The following FOCAD variants were observed in gnomAD, a reference collection of about 807,000 sequenced individuals.
FOCAD encodes focadhesin, also known as KIAA1797.
In FOCAD, 198 loss-of-function variants were observed where a neutral mutation model predicts 225.6. The observed-to-expected ratio is 0.88, with a 90% confidence interval of 0.78 to 0.99. FOCAD has a LOEUF of 0.99. Among genes scored for constraint, FOCAD ranks in the 50% least tolerant of loss-of-function variants. The pLI is 0.00. For synonymous variants in FOCAD, 897 were observed against 755.0 expected, an observed-to-expected ratio of 1.19 and a Z score of -3.08; for missense variants, 2,713 against 2,123.6, an observed-to-expected ratio of 1.28 and a Z score of -5.46.
intron 5 of FOCAD, among the ~76,000 whole-genome samples, chr9:20,747,824 T>G (rs971146341): frequency 1.5e-3 from 46 of 30,606 alleles, no homozygotes; most frequent in Non-Finnish European, 1.8e-3. Context: ...TTTTTAGTGT[T>G]TTTTTTTTTT....
intron 40 of FOCAD, among the ~76,000 whole-genome samples, chr9:20,987,248 G>A (rs968988031): frequency 6.6e-6 from 1 of 152,026 alleles, no homozygotes; most frequent in Admixed American, 6.6e-5. Context: ...AGACTGTATC[G>A]CCTTAATACC....
chr9:20,763,661 G>T (rs1029064460), intron 6 of FOCAD, among the ~76,000 whole-genome samples: 1 of 152,190 alleles, frequency 6.6e-6, no homozygotes, highest in African/African-American at 2.4e-5. Flanking sequence ...GGAATAGCAA[G>T]TGAGAAGAAA....
intron 1 of FOCAD, among the ~76,000 whole-genome samples, chr9:20,692,318 A>C (rs1317362404): frequency 1.3e-5 from 2 of 151,902 alleles, no homozygotes; most frequent in African/African-American, 4.8e-5. Context: ...CTCACAATCT[A>C]TATATATATA....
At chr9:20,847,412 A>G (rs1377390443) in intron 15 of FOCAD, among the ~76,000 whole-genome samples, 1 of 151,742 alleles carries the variant, frequency 6.6e-6, no homozygotes, top group Non-Finnish European at 1.5e-5. Context: ...CTAAATTCTT[A>G]TAATGCTGCT....
At chr9:20,831,847 T>G (rs1315158970) in intron 15 of FOCAD, among the ~76,000 whole-genome samples, 1 of 152,088 alleles carries the variant, frequency 6.6e-6, no homozygotes, top group Non-Finnish European at 1.5e-5. Flanking sequence ...CCTTAAGCAT[T>G]GAACCCCAAT....
At chr9:20,705,152 C>G (rs1012491551) in intron 1 of FOCAD, among the ~76,000 whole-genome samples, 3 of 152,122 alleles carry the variant, frequency 2.0e-5, no homozygotes, top group African/African-American at 7.2e-5. Context: ...AGAATATTGC[C>G]TTTCCCCTAG....
intron 1 of FOCAD, among the ~76,000 whole-genome samples, chr9:20,714,747 A>T (rs1825191502): frequency 6.6e-6 from 1 of 150,544 alleles, no homozygotes; most frequent in Admixed American, 6.6e-5. Flanking sequence ...GCCCAGTAGG[A>T]ATGATAAGTG....
intron 2 of FOCAD, among the ~76,000 whole-genome samples, chr9:20,661,561 A>G (rs1349945295): frequency 6.6e-6 from 1 of 152,198 alleles, no homozygotes; most frequent in African/African-American, 2.4e-5. Context: ...GGGAACTGTT[A>G]AACTGAGATA....
intron 22 of FOCAD, among the ~76,000 whole-genome samples, chr9:20,910,874 G>GA (rs1833384575): frequency 6.6e-6 from 1 of 151,970 alleles, no homozygotes; most frequent in Non-Finnish European, 1.5e-5. Flanking sequence ...CTCAGAGAAA[G>GA]AAAAAACATG....
intron 4 of FOCAD, among the ~76,000 whole-genome samples, chr9:20,726,850 A>G (rs1282115091): frequency 1.3e-5 from 2 of 152,116 alleles, no homozygotes; most frequent in Non-Finnish European, 2.9e-5. Flanking sequence ...ATCTTGTTAC[A>G]TTATTGAAGC....
intron 9 of FOCAD, among the ~76,000 whole-genome samples, chr9:20,779,085 A>G (rs181618179): frequency 5.3e-5 from 8 of 152,342 alleles, no homozygotes; most frequent in Non-Finnish European, 1.5e-5. Context: ...GCTTTAGTAT[A>G]AAATCCTTGA....
rs183183563 is a variant in FOCAD, at chr9:20,764,403, G to T, written c.495-466G>T. Among the ~76,000 whole-genome samples, 740 of 152,256 alleles carry T rather than the reference G, an allele frequency of 4.9e-3. 3 individuals are homozygous for T. Among genetic ancestry groups the T allele is most frequent in the Non-Finnish European group, 7.0e-3 (479 of 68,016 alleles). ...TGAGTAGCTGGGACTACAGGTGCAT[G>T]CCACCACGCCCAGCTAATTTTTGTA... On this transcript the variant is annotated intron_variant, in intron 6 of 43. Transcript: ENST00000338382.
chr9:20,738,640 C>T (rs1827345028), intron 4 of FOCAD, among the ~76,000 whole-genome samples: 1 of 152,196 alleles, frequency 6.6e-6, no homozygotes, highest in South Asian at 2.1e-4. Flanking sequence ...AAACATACCA[C>T]TGTAGATTGT....
chr9:20,954,179 A>G (rs889051804), intron 35 of FOCAD, among the ~76,000 whole-genome samples: 1 of 152,216 alleles, frequency 6.6e-6, no homozygotes, highest in Non-Finnish European at 1.5e-5. Context: ...TGTACATGAC[A>G]TATTTATATA....
chr9:20,677,656 A>T (rs375467849), intron 2 of FOCAD, among the ~76,000 whole-genome samples: 2 of 149,140 alleles, frequency 1.3e-5, no homozygotes, highest in Non-Finnish European at 2.9e-5. Context: ...CTACAATAAG[A>T]TATAACCTCA....
intron 28 of FOCAD, among the ~76,000 whole-genome samples, chr9:20,943,851 G>C (rs1836912246): frequency 6.6e-6 from 1 of 152,122 alleles, no homozygotes; most frequent in Middle Eastern, 3.2e-3. Context: ...ATTACCACAA[G>C]CTGCATTATC....
intron 35 of FOCAD, among the ~76,000 whole-genome samples, chr9:20,957,904 A>G (rs527706655): frequency 7.9e-5 from 12 of 151,980 alleles, no homozygotes; most frequent in Middle Eastern, 3.4e-3. Context: ...GAGTCCAAGG[A>G]TTTGGTGACT....
At chr9:20,916,431 T>C (rs1396438311) in intron 23 of FOCAD, among the ~76,000 whole-genome samples, 2 of 152,152 alleles carry the variant, frequency 1.3e-5, no homozygotes, top group Non-Finnish European at 2.9e-5. Flanking sequence ...AATTTGAAAA[T>C]TGTAAATTGA....
At chr9:20,906,949 T>A (rs916883153) in intron 21 of FOCAD, among the ~76,000 whole-genome samples, 6 of 152,122 alleles carry the variant, frequency 3.9e-5, no homozygotes, top group African/African-American at 1.4e-4. Flanking sequence ...AGGCTTACTT[T>A]ATTTTGTCTT....
Sources: allele counts gnomAD v4.1 joint callset (sites outside exome capture counted in the v4.1 genomes callset), GRCh38; gene constraint gnomAD v4.1.1; transcripts MANE v1.5; gene names NCBI Gene and HGNC (gene_info 2026-07-23, HGNC 2026-07-21).